DLGAP4: variants seen among roughly 807,000 people sequenced by gnomAD.
DLGAP4 encodes the protein DLG associated protein 4, also known as disks large-associated protein 4.
Under a neutral mutation model 86.9 loss-of-function variants are expected in DLGAP4, and 18 were observed. The observed-to-expected ratio is 0.21, with a 90% confidence interval of 0.14 to 0.31. The LOEUF is 0.31. Among genes scored for constraint, DLGAP4 ranks in the 10% least tolerant of loss-of-function variants. The pLI is 1.00. For missense variants in DLGAP4, 1,085 were observed against 1,362.6 expected (o/e 0.80, Z 3.21); for synonymous variants, 548 against 574.3 (o/e 0.95, Z 0.65).
At chr20:36,380,528 C>T (rs2031335424) in intron 2 of DLGAP4, among the ~76,000 whole-genome samples, 1 of 151,384 alleles carries the variant, frequency 6.6e-6, no homozygotes, top group Non-Finnish European at 1.5e-5. Context: ...TTCGAGGTTA[C>T]AGTAAGTTAT....
At chr20:36,447,323 G>C (rs1191320417) in intron 7 of DLGAP4, among the ~76,000 whole-genome samples, 2 of 152,220 alleles carry the variant, frequency 1.3e-5, no homozygotes, top group African/African-American at 2.4e-5. Context: ...CTGCAGAGAA[G>C]CCTGCAGTGA....
At chr20:36,453,933 C>CAAA (rs1569504183) in intron 7 of DLGAP4, among the ~76,000 whole-genome samples, 2 of 83,894 alleles carry the variant, frequency 2.4e-5, no homozygotes, top group Non-Finnish European at 4.5e-5. Flanking sequence ...GACTCTGTCT[C>CAAA]CAAAAAAAAA....
At chr20:36,341,017 C>T (rs1308101619) in intron 1 of DLGAP4, among the ~76,000 whole-genome samples, 6 of 152,200 alleles carry the variant, frequency 3.9e-5, no homozygotes, top group Non-Finnish European at 5.9e-5. Flanking sequence ...CTGCTCCAGG[C>T]GGTAGCTCTG....
At chr20:36,326,692 T>C (rs985036709) in intron 1 of DLGAP4, among the ~76,000 whole-genome samples, 2 of 152,210 alleles carry the variant, frequency 1.3e-5, no homozygotes, top group African/African-American at 4.8e-5. Context: ...AGATTCATAT[T>C]TCTCTCTGGT....
chr20:36,471,226 T>C (rs1246832878), intron 7 of DLGAP4, among the ~76,000 whole-genome samples: 4 of 152,176 alleles, frequency 2.6e-5, no homozygotes, highest in African/African-American at 4.8e-5. Context: ...CGATGGCTCA[T>C]GCCTGTAATC....
At chr20:36,525,643 G>A (rs1450208309) in intron 11 of DLGAP4, 5 of 639,094 alleles carry the variant, frequency 7.8e-6, no homozygotes, top group Non-Finnish European at 1.3e-5. Context: ...ACAGCCCTTA[G>A]ACTATCCCCC....
At chr20:36,436,713 G>T (rs2033292325) in intron 4 of DLGAP4, among the ~76,000 whole-genome samples, 1 of 152,154 alleles carries the variant, frequency 6.6e-6, no homozygotes, top group Non-Finnish European at 1.5e-5. Context: ...CTACTCGGGA[G>T]GCTGAGACAG....
intron 1 of DLGAP4, among the ~76,000 whole-genome samples, chr20:36,317,261 T>TA (rs1413600292): frequency 1.8e-5 from 1 of 54,902 alleles, no homozygotes; most frequent in Non-Finnish European, 3.1e-5. Context: ...CTTTCTTTCT[T>TA]TCTTTCTTTC....
rs764584703 is a variant in DLGAP4, at chr20:36,457,669, C to T, written c.1648+10732C>T. ...ATGCTGGGATTACAGGCATGAGCCA[C>T]CACGCCCGGCCAATTTTCTGTATTT... On this transcript the variant is annotated intron_variant, in intron 7 of 12. Transcript: ENST00000339266. Among the ~76,000 whole-genome samples the T allele has an allele frequency of 3.4e-4, 52 of 152,024 alleles. 1 individual carries two copies. Among genetic ancestry groups the T allele is most frequent in the Non-Finnish European group, 5.9e-5 (4 of 68,032 alleles).
intron 10 of DLGAP4, among the ~76,000 whole-genome samples, chr20:36,523,824 C>T (rs537727488): frequency 6.0e-4 from 91 of 152,194 alleles, no homozygotes; most frequent in Non-Finnish European, 1.0e-3. Context: ...CCATTATGTC[C>T]GGCTAATTTT....
intron 7 of DLGAP4, among the ~76,000 whole-genome samples, chr20:36,454,910 C>T (rs1483449675): frequency 6.6e-6 from 1 of 152,244 alleles, no homozygotes; most frequent in Non-Finnish European, 1.5e-5. Context: ...TTCTCCCTCC[C>T]CCTGTCTGAC....
chr20:36,389,640 C>T (rs1334190733), intron 2 of DLGAP4, among the ~76,000 whole-genome samples: 1 of 151,854 alleles, frequency 6.6e-6, no homozygotes, highest in Non-Finnish European at 1.5e-5. Flanking sequence ...AAAAAATTAC[C>T]TTACATAAGT....
chr20:36,471,284 C>T lies in DLGAP4; in HGVS notation c.1648+24347C>T, dbSNP rs562234817. Among the ~76,000 whole-genome samples the T allele has an allele frequency of 3.3e-5, 5 of 152,146 alleles. No homozygotes were observed. In the East Asian group the frequency reaches 5.8e-4, roughly 18 times the overall value. Reference sequence around the variant, plus strand: ...CAGGCAGATCACAAAGTCAGGAGTTCGAGACCTCTACTCGACCTGGCCAAT... The same window carrying T: ...CAGGCAGATCACAAAGTCAGGAGTTTGAGACCTCTACTCGACCTGGCCAAT... On this transcript the variant is annotated intron_variant, in intron 7 of 12. Transcript: ENST00000339266.
At chr20:36,464,310 A>G (rs2034240014) in intron 7 of DLGAP4, among the ~76,000 whole-genome samples, 1 of 152,228 alleles carries the variant, frequency 6.6e-6, no homozygotes, top group Admixed American at 6.5e-5. Context: ...CTGTAATCCT[A>G]GCACTTTGGG....
intron 1 of DLGAP4, among the ~76,000 whole-genome samples, chr20:36,317,235 C>CTT (rs1246826436): frequency 2.2e-5 from 1 of 45,100 alleles, no homozygotes; most frequent in Admixed American, 2.6e-4. Flanking sequence ...TTCTTTCTTT[C>CTT]TTTCTTTCTT....
intron 2 of DLGAP4, among the ~76,000 whole-genome samples, chr20:36,396,347 A>ACG (rs1569484497): frequency 5.9e-4 from 70 of 119,316 alleles, no homozygotes; most frequent in East Asian, 2.3e-3. Flanking sequence ...GCACACACAC[A>ACG]CACACATACC....
chr20:36,433,023 G>A (rs2033170490), intron 3 of DLGAP4, among the ~76,000 whole-genome samples: 1 of 152,104 alleles, frequency 6.6e-6, no homozygotes, highest in African/African-American at 2.4e-5. Flanking sequence ...CCAATTGCAT[G>A]ACATTCTAAT....
chr20:36,489,836 T>C (rs1426775732), intron 7 of DLGAP4, among the ~76,000 whole-genome samples: 2 of 151,058 alleles, frequency 1.3e-5, no homozygotes, highest in East Asian at 3.9e-4. Flanking sequence ...GAAAGTAAAG[T>C]TTGATGTTGC....
chr20:36,322,201 A>AGGCCGGGCGCGGTGGCTCACGCCT (rs2065175218), intron 1 of DLGAP4, among the ~76,000 whole-genome samples: 1 of 151,934 alleles, frequency 6.6e-6, no homozygotes, highest in African/African-American at 2.4e-5. Context: ...AAAACATTCC[A>AGGCCGGGCGCGGTGGCTCACGCCT]GCAGAGGGAA....
Sources: allele counts gnomAD v4.1 joint callset (sites outside exome capture counted in the v4.1 genomes callset), GRCh38; gene constraint gnomAD v4.1.1; transcripts MANE v1.5; gene names NCBI Gene and HGNC (gene_info 2026-07-23, HGNC 2026-07-21).